Variants in ACTN1 observed in about 807,000 individuals in gnomAD.
ACTN1 encodes actinin alpha 1.
ACTN1 carries 30 observed loss-of-function variants against 119.6 expected under a neutral mutation model. The observed-to-expected ratio is 0.25, with a 90% CI of 0.19 to 0.34. The LOEUF (loss-of-function observed/expected upper bound fraction) is 0.34, where lower values mean the gene tolerates loss of function less well. ACTN1 is among the 10% of genes least tolerant of loss of function. ACTN1 has a pLI of 1.00. For synonymous variants in ACTN1, 429 were observed against 472.6 expected (o/e 0.91, Z 1.20); for missense variants, 764 against 1,223.4 (o/e 0.62, Z 5.60).
intron 8 of ACTN1, among the ~76,000 whole-genome samples, chr14:68,896,388 T>C (rs927866227): frequency 3.3e-5 from 5 of 151,880 alleles, no homozygotes; most frequent in Admixed American, 6.6e-5. Flanking sequence ...AGAAGTAAGA[T>C]GAGGTCAGCT....
chr14:68,956,770 A>C (rs1471377137), intron 1 of ACTN1, among the ~76,000 whole-genome samples: 1 of 152,118 alleles, frequency 6.6e-6, no homozygotes, highest in African/African-American at 2.4e-5. Flanking sequence ...AGACCAAAGC[A>C]CAAGTCACTC....
chr14:68,957,437 G>A (rs569309575), intron 1 of ACTN1, among the ~76,000 whole-genome samples: 260 of 152,340 alleles, frequency 1.7e-3, no homozygotes, highest in African/African-American at 5.7e-3. Flanking sequence ...TCGGCCATCA[G>A]GTGTGCCACT....
At chr14:68,951,012 C>T (rs1338341301) in intron 1 of ACTN1, among the ~76,000 whole-genome samples, 1 of 152,210 alleles carries the variant, frequency 6.6e-6, no homozygotes, top group Admixed American at 6.5e-5. Context: ...CCACCAGCAC[C>T]AGCCTGCCTG....
At chr14:68,956,766 A>C (rs1180887250) in intron 1 of ACTN1, among the ~76,000 whole-genome samples, 2 of 151,918 alleles carry the variant, frequency 1.3e-5, no homozygotes, top group Admixed American at 6.6e-5. Context: ...TCACAGACCA[A>C]AGCACAAGTC....
intron 16 of ACTN1, 60 bp from the exon 17 acceptor site, chr14:68,881,049 G>A: frequency 1.3e-6 from 2 of 1,542,032 alleles, no homozygotes; most frequent in East Asian, 2.3e-5. Context: ...ATAGGGTGGG[G>A]ACTGGGGCCT....
At chr14:68,894,106 T>A (rs555573175) in intron 8 of ACTN1, among the ~76,000 whole-genome samples, 1 of 152,288 alleles carries the variant, frequency 6.6e-6, no homozygotes, top group East Asian at 1.9e-4. Context: ...CATCCTGGAA[T>A]TCCAAGTGGA....
chr14:68,887,652 G>C (rs2032126575), intron 11 of ACTN1: 1 of 1,267,804 alleles, frequency 7.9e-7, no homozygotes, highest in African/African-American at 1.5e-5. Context: ...GGATGAGGTG[G>C]GATACCCTCC....
In ACTN1 at chr14:68,909,966, G is replaced by A. The variant is rs749096057; in HGVS notation, c.504C>T (p.Asn168=). Residue 168 remains asparagine (N), a synonymous_variant, in exon 5 of 22, where the codon AAC becomes AAT. Coordinates refer to ENST00000394419, the MANE Select transcript of ACTN1 (RefSeq NM_001130004.2). This position sits in a 1 kb window ranked among gnomAD's most constrained non-coding sequence, Gnocchi z 4.1. ...TAPYKNVNIQ[N]FHISWKDGLG... is the part of the protein sequence containing the mutation. ...ACCCCAGCACTCACCTTATGTGGAAGTTCTGGATGTTGACATTTTTGTAAG... is the reference window on the plus strand; with the variant it reads ...ACCCCAGCACTCACCTTATGTGGAAATTCTGGATGTTGACATTTTTGTAAG... The A allele has an allele frequency of 6.2e-7, 1 of 1,614,042 alleles. No individual in the cohort carries two copies. The highest frequency in any genetic ancestry group is 1.7e-5 in the Admixed American group (1 of 60,006).
Position 68,885,377 on chromosome 14 carries a change from C to T in ACTN1, c.1385+48G>A. The T allele has an allele frequency of 6.4e-7, 1 of 1,560,850 alleles. No homozygotes were observed. Among genetic ancestry groups the T allele is most frequent in the Non-Finnish European group, 8.7e-7 (1 of 1,150,338 alleles). On this transcript the variant is annotated intron_variant, in intron 12 of 21. Coordinates refer to ENST00000394419, the MANE Select transcript of ACTN1 (RefSeq NM_001130004.2). The surrounding 1 kb of genome is among the most constrained non-coding windows in gnomAD (Gnocchi z 5.6). ...CACCTCCCCCAGCAGCTGAGAAAGC[C>T]CAGCCTCAGCCCCTCACCACAGGGT...
At chr14:68,934,894 C>G (rs1392405320) in intron 1 of ACTN1, among the ~76,000 whole-genome samples, 1 of 152,256 alleles carries the variant, frequency 6.6e-6, no homozygotes, top group Middle Eastern at 3.4e-3. Context: ...GGCAATCACA[C>G]AAACATGAAA....
intron 6 of ACTN1, among the ~76,000 whole-genome samples, chr14:68,907,454 C>T (rs1219865238): frequency 6.6e-6 from 1 of 151,806 alleles, no homozygotes; most frequent in Non-Finnish European, 1.5e-5. Flanking sequence ...ATCCCAGCTA[C>T]TGAGGAGGCT....
At chr14:68,922,185 G>A (rs567230521) in intron 2 of ACTN1, among the ~76,000 whole-genome samples, 1 of 152,140 alleles carries the variant, frequency 6.6e-6, no homozygotes, top group Non-Finnish European at 1.5e-5. Flanking sequence ...CACACCCACT[G>A]TCTCCCCAGC....
intron 1 of ACTN1, chr14:68,978,110 T>G (rs1464908120): frequency 8.8e-6 from 4 of 455,068 alleles, no homozygotes; most frequent in Non-Finnish European, 1.8e-5. Context: ...CGCGCCTGCC[T>G]GGGATGCAGC....
intron 1 of ACTN1, among the ~76,000 whole-genome samples, chr14:68,973,166 G>A (rs1044203559): frequency 1.1e-4 from 16 of 152,096 alleles, no homozygotes; most frequent in African/African-American, 3.1e-4. Context: ...CTCTCCATGC[G>A]TTTCCCCCCA....
intron 1 of ACTN1, among the ~76,000 whole-genome samples, chr14:68,958,722 C>A (rs1198982781): frequency 6.6e-6 from 1 of 152,182 alleles, no homozygotes; most frequent in Admixed American, 6.5e-5. Context: ...CTGGAAACCA[C>A]GGAAGTGTCC....
chr14:68,896,267 T>G (rs2032871093), intron 8 of ACTN1, among the ~76,000 whole-genome samples: 1 of 151,946 alleles, frequency 6.6e-6, no homozygotes, highest in East Asian at 1.9e-4. Context: ...GCAGCCTGAC[T>G]CCCCCTACAG....
Position 68,909,536 on chromosome 14 carries a change from G to A in ACTN1, c.516-140C>T. ...GGGGTAGGAGTTAGAAGACAGGATG[G>A]GAAGGGACATTTCTTCCTGCCACAA... is the stretch of plus-strand genomic sequence containing the variant. On this transcript the variant is annotated intron_variant, in intron 5 of 21. Transcript: ENST00000394419. The surrounding 1 kb of genome is among the most constrained non-coding windows in gnomAD (Gnocchi z 4.1). 1 of 747,478 alleles carries A rather than the reference G, an allele frequency of 1.3e-6. No homozygotes were observed. Among genetic ancestry groups the A allele is most frequent in the East Asian group, 2.7e-5 (1 of 36,484 alleles). The allele number at this position is 747,478 out of a possible 1,614,324, so 46.3% of individuals were successfully genotyped here.
At chr14:68,934,687 A>G (rs1313212115) in intron 1 of ACTN1, among the ~76,000 whole-genome samples, 1 of 152,222 alleles carries the variant, frequency 6.6e-6, no homozygotes, top group East Asian at 1.9e-4. Context: ...GAGAGAGAAA[A>G]ATTAGAAAGA....
Position 68,911,786 on chromosome 14 carries a change from T to C in ACTN1, c.427+370A>G, listed in dbSNP as rs141989127. On this transcript the variant is annotated intron_variant, in intron 4 of 21. Transcript: ENST00000394419. ...CTGTGAAATGGCCACTAGAGGGTGC[T>C]AGGGGAGCAAAGTGGAGGACGGGGT... Among the ~76,000 whole-genome samples the C allele has an allele frequency of 3.7e-3, 559 of 152,312 alleles. 3 individuals are homozygous for C. Among genetic ancestry groups the C allele is most frequent in the African/African-American group, 0.01 (422 of 41,570 alleles).
Sources: allele counts gnomAD v4.1 joint callset (sites outside exome capture counted in the v4.1 genomes callset), GRCh38; gene constraint gnomAD v4.1.1; non-coding constraint Gnocchi (gnomAD v3.1); transcripts MANE v1.5; gene names NCBI Gene and HGNC (gene_info 2026-07-23, HGNC 2026-07-21).